Variants in APP observed in about 807,000 individuals in gnomAD.
APP encodes the protein amyloid-beta precursor protein.
APP carries 31 observed loss-of-function variants against 101.4 expected under a neutral mutation model. The observed-to-expected ratio is 0.31, with a 90% CI of 0.23 to 0.41. The LOEUF (loss-of-function observed/expected upper bound fraction) is 0.41. APP is among the 10% of genes least tolerant of loss of function. The pLI is 1.00. For missense variants in APP, 839 were observed against 1,003.7 expected (o/e 0.84, Z 2.22); for synonymous variants, 366 against 364.4 (o/e 1.00, Z -0.05).
At chr21:26,154,980 G>A (rs1285981826) in intron 1 of APP, among the ~76,000 whole-genome samples, 9 of 152,154 alleles carry the variant, frequency 5.9e-5, no homozygotes, top group Admixed American at 1.3e-4. Context: ...AATCAGGTGC[G>A]GTGGCTCACA....
intron 6 of APP, 51 bp downstream of exon 6, chr21:26,021,789 A>T: frequency 6.2e-7 from 1 of 1,602,670 alleles, no homozygotes; most frequent in Non-Finnish European, 8.5e-7. Context: ...CTCTGGTATT[A>T]CGCTTTCTTT....
intron 3 of APP, among the ~76,000 whole-genome samples, chr21:26,062,341 A>G (rs566807225): frequency 3.9e-5 from 6 of 151,988 alleles, no homozygotes; most frequent in African/African-American, 1.4e-4. Context: ...TAAAAAAGAG[A>G]AAAGAAAAAA....
At chr21:25,898,569 G>A (rs540337790) in intron 15 of APP, among the ~76,000 whole-genome samples, 46 of 152,302 alleles carry the variant, frequency 3.0e-4, no homozygotes, top group African/African-American at 1.1e-3. Context: ...CAGATTGTCA[G>A]TTCCTGTTTG....
intron 11 of APP, among the ~76,000 whole-genome samples, chr21:25,970,390 T>C (rs2041985816): frequency 6.6e-6 from 1 of 152,194 alleles, no homozygotes; most frequent in Admixed American, 6.5e-5. Flanking sequence ...AGCAAAGATC[T>C]TACTTTAGAG....
chr21:26,104,885 G>C (rs116410215), intron 2 of APP, among the ~76,000 whole-genome samples: 1 of 151,966 alleles, frequency 6.6e-6, no homozygotes, highest in African/African-American at 2.4e-5. Flanking sequence ...TTCTATCCTA[G>C]GACCAGACTG....
chr21:26,076,024 G>C (rs2061492149), intron 3 of APP, among the ~76,000 whole-genome samples: 1 of 152,088 alleles, frequency 6.6e-6, no homozygotes. Flanking sequence ...CTCCTGAGTA[G>C]CTGGGATTAC....
intron 1 of APP, among the ~76,000 whole-genome samples, chr21:26,131,692 A>G (rs751376001): frequency 4.7e-4 from 71 of 152,238 alleles, no homozygotes; most frequent in Non-Finnish European, 9.6e-4. Context: ...GACTTGAACT[A>G]ATACCTAATT....
intron 13 of APP, among the ~76,000 whole-genome samples, chr21:25,951,609 T>C (rs922788207): frequency 6.6e-6 from 1 of 152,092 alleles, no homozygotes; most frequent in African/African-American, 2.4e-5. Context: ...TATACAGAAA[T>C]AGCAAATAAA....
At position 26,014,180 on chromosome 21, in the gene APP, A is replaced by G. The variant is rs144675128; in HGVS notation, c.865+7660T>C. 2.1e-3 allele frequency among the ~76,000 whole-genome samples: 318 copies of G among 152,332 alleles called. 3 individuals carry two copies. Among genetic ancestry groups the G allele is most frequent in the Middle Eastern group, 0.014 (4 of 294 alleles). ...ACAGCATGCTACTACTGAGGCCTCC[A>G]ACTGAAGTATGTGAGTTCATGTTCG... On this transcript the variant is annotated intron_variant, in intron 6 of 17. Transcript: ENST00000346798.
chr21:25,953,181 C>A (rs1192841040), intron 13 of APP, among the ~76,000 whole-genome samples: 1 of 152,186 alleles, frequency 6.6e-6, no homozygotes, highest in Non-Finnish European at 1.5e-5. Context: ...GATCTGCTCA[C>A]CTTGGCCTCC....
intron 8 of APP, among the ~76,000 whole-genome samples, chr21:25,989,213 G>T (rs1050719177): frequency 1.3e-5 from 2 of 152,176 alleles, no homozygotes; most frequent in African/African-American, 4.8e-5. Flanking sequence ...TGAGGCAGAC[G>T]TCACTCTCCT....
chr21:26,004,583 C>T (rs891420263), intron 6 of APP, among the ~76,000 whole-genome samples: 10 of 152,100 alleles, frequency 6.6e-5, no homozygotes, highest in African/African-American at 2.4e-4. Context: ...TGAGGCACCG[C>T]GCCCGGCCTC....
intron 3 of APP, among the ~76,000 whole-genome samples, chr21:26,085,786 A>T (rs940132613): frequency 2.0e-5 from 3 of 152,234 alleles, no homozygotes; most frequent in Admixed American, 1.3e-4. Flanking sequence ...AAAACAAGGC[A>T]TGCTTTTCCT....
chr21:25,959,025 G>A (rs552849634), intron 11 of APP, among the ~76,000 whole-genome samples: 1 of 66,910 alleles, frequency 1.5e-5, no homozygotes, highest in Non-Finnish European at 2.8e-5. Context: ...TGAAGAATGG[G>A]TTAGTCTCAC....
At chr21:26,111,539 C>A (rs1341939931) in intron 2 of APP, among the ~76,000 whole-genome samples, 1 of 151,998 alleles carries the variant, frequency 6.6e-6, no homozygotes, top group Non-Finnish European at 1.5e-5. Flanking sequence ...GAGTTTCAGA[C>A]AGCCTGGCCA....
At position 26,170,387 on chromosome 21, in the gene APP, G is replaced by A. The variant is rs2073460; in HGVS notation, c.57+177C>T. ...AGCGGGCCGGAGCGCGACTCCCTGG[G>A]GCAGGGCTGGGCCGAAAGCGGGGAT... On this transcript the variant is annotated intron_variant, in intron 1 of 17. Coordinates refer to ENST00000346798, the MANE Select transcript of APP (RefSeq NM_000484.4). 1.1e-4 allele frequency among the ~76,000 whole-genome samples: 17 copies of A among 152,296 alleles called. No homozygotes were observed. In the East Asian group the frequency reaches 2.7e-3, roughly 24 times the overall value.
intron 17 of APP, among the ~76,000 whole-genome samples, chr21:25,885,458 G>A (rs557426392): frequency 1.3e-5 from 2 of 152,354 alleles, no homozygotes; most frequent in East Asian, 3.9e-4. Flanking sequence ...AGACAATGAA[G>A]TCAGAATTTC....
At chr21:26,019,944 C>A (rs912762772) in intron 6 of APP, among the ~76,000 whole-genome samples, 1 of 152,162 alleles carries the variant, frequency 6.6e-6, no homozygotes, top group Non-Finnish European at 1.5e-5. Context: ...ACAAAATGCG[C>A]ATTTACTAGC....
At chr21:25,962,354 T>C (rs2041616803) in intron 11 of APP, among the ~76,000 whole-genome samples, 1 of 152,220 alleles carries the variant, frequency 6.6e-6, no homozygotes, top group Admixed American at 6.5e-5. Flanking sequence ...TTTTCCTCTC[T>C]GGAAACAAGA....
Sources: gnomAD v4.1 joint callset for allele counts (sites outside exome capture counted in the v4.1 genomes callset) on GRCh38, gnomAD v4.1.1 for gene constraint, MANE v1.5 for transcripts, NCBI Gene and HGNC (gene_info 2026-07-23, HGNC 2026-07-21) for gene names.